The following CNTN4 variants were observed in gnomAD, a reference collection of about 807,000 sequenced individuals.
CNTN4 encodes contactin-4.
Under a neutral mutation model 122.5 loss-of-function variants are expected in CNTN4, and 77 were observed. The ratio of observed to expected loss-of-function variants is 0.63; its 90% confidence interval spans 0.52 to 0.76. CNTN4 has a LOEUF of 0.76. Among genes scored for constraint, CNTN4 ranks in the 30% least tolerant of loss-of-function variants. The pLI, the probability that CNTN4 is intolerant of heterozygous loss-of-function variation, is 0.00. For missense variants in CNTN4, 1,256 were observed against 1,259.1 expected, an observed-to-expected ratio of 1.00 and a Z score of 0.04; for synonymous variants, 512 against 447.0, an observed-to-expected ratio of 1.15 and a Z score of -1.83.
intron 5 of CNTN4, among the ~76,000 whole-genome samples, chr3:2,741,533 G>A (rs1251119375): frequency 1.3e-5 from 2 of 152,162 alleles, no homozygotes; most frequent in South Asian, 2.1e-4. Flanking sequence ...GACAGCAGGT[G>A]TAAACCAAGC....
intron 13 of CNTN4, among the ~76,000 whole-genome samples, chr3:2,944,565 T>C (rs1186362733): frequency 6.6e-6 from 1 of 152,188 alleles, no homozygotes; most frequent in Non-Finnish European, 1.5e-5. Flanking sequence ...TAGACTCTAT[T>C]AAACACCTAC....
intron 6 of CNTN4, among the ~76,000 whole-genome samples, chr3:2,782,428 G>C (rs74791791): frequency 0.013 from 1,901 of 150,406 alleles, 49 homozygotes; most frequent in African/African-American, 0.044. Flanking sequence ...ACTTGAAAAT[G>C]TAATACATAC....
intron 4 of CNTN4, among the ~76,000 whole-genome samples, chr3:2,668,251 G>A (rs571676423): frequency 1.3e-5 from 2 of 151,830 alleles, no homozygotes; most frequent in South Asian, 2.1e-4. Context: ...ATTTGTTTGT[G>A]TCCTCTTTTA....
At chr3:2,624,524 G>T (rs1452120235) in intron 4 of CNTN4, among the ~76,000 whole-genome samples, 1 of 151,266 alleles carries the variant, frequency 6.6e-6, no homozygotes, top group East Asian at 2.0e-4. Context: ...AAGCTTTTCA[G>T]ATTAATCAGT....
chr3:2,113,058 G>A (rs1053526958), intron 2 of CNTN4, among the ~76,000 whole-genome samples: 1 of 152,126 alleles, frequency 6.6e-6, no homozygotes, highest in Non-Finnish European at 1.5e-5. Context: ...TAGAAATTCA[G>A]CCAATTCTGC....
At chr3:2,269,060 C>T (rs2041165592) in intron 2 of CNTN4, among the ~76,000 whole-genome samples, 1 of 152,056 alleles carries the variant, frequency 6.6e-6, no homozygotes, top group Non-Finnish European at 1.5e-5. Flanking sequence ...GTTGCACTGC[C>T]TGTAAAAGAG....
intron 3 of CNTN4, among the ~76,000 whole-genome samples, chr3:2,377,829 G>A (rs9862409): frequency 0.09 from 13,711 of 151,680 alleles, 1,046 homozygotes; most frequent in African/African-American, 0.22. Flanking sequence ...TATGTGTGGC[G>A]CCAGACAATT....
At chr3:2,591,314 G>GA (rs2080460678) in intron 4 of CNTN4, among the ~76,000 whole-genome samples, 1 of 147,660 alleles carries the variant, frequency 6.8e-6, no homozygotes, top group Non-Finnish European at 1.5e-5. Flanking sequence ...AGATACTTTT[G>GA]ATGTAGTCTG....
At chr3:2,178,701 G>C (rs2036867866) in intron 2 of CNTN4, among the ~76,000 whole-genome samples, 1 of 152,046 alleles carries the variant, frequency 6.6e-6, no homozygotes, top group African/African-American at 2.4e-5. Flanking sequence ...TTGTGTGTGT[G>C]ATCTTAAGAC....
In CNTN4 at chr3:2,755,238, A is replaced by G. The variant is rs140166809; in HGVS notation, c.358+9541A>G. 2.4e-4 allele frequency among the ~76,000 whole-genome samples: 37 copies of G among 152,322 alleles called. No homozygotes were observed. The East Asian group carries it at 6.4e-3, about 26-fold the overall frequency. On this transcript the variant is annotated intron_variant, in intron 6 of 24. Coordinates refer to ENST00000418658, the MANE Select transcript of CNTN4 (RefSeq NM_175607.3). ...AGTTTGATACACGGCTAAACTCATAACTGGCCTGACTACTTTTTAATTTGG... is the reference window on the plus strand; with the variant it reads ...AGTTTGATACACGGCTAAACTCATAGCTGGCCTGACTACTTTTTAATTTGG...
chr3:2,229,495 A>G (rs899773877), intron 2 of CNTN4, among the ~76,000 whole-genome samples: 1 of 152,194 alleles, frequency 6.6e-6, no homozygotes, highest in African/African-American at 2.4e-5. Flanking sequence ...CTAATTATGC[A>G]GTGCTAAACA....
chr3:2,443,898 T>G (rs2616569), intron 3 of CNTN4, among the ~76,000 whole-genome samples: 1 of 151,940 alleles, frequency 6.6e-6, no homozygotes, highest in African/African-American at 2.4e-5. Flanking sequence ...TAGTTTATCT[T>G]GTTTTTGCTA....
chr3:2,980,851 G>A (rs1577486330), intron 13 of CNTN4, among the ~76,000 whole-genome samples: 1 of 152,158 alleles, frequency 6.6e-6, no homozygotes, highest in Non-Finnish European at 1.5e-5. Context: ...GACCAGGTGT[G>A]ACGTTTACAT....
intron 3 of CNTN4, among the ~76,000 whole-genome samples, chr3:2,461,323 TA>T (rs2049197790): frequency 6.6e-6 from 1 of 151,812 alleles, no homozygotes. Context: ...TTATGGAAGT[TA>T]TCATTAATTA....
intron 4 of CNTN4, among the ~76,000 whole-genome samples, chr3:2,680,869 A>C (rs1260216015): frequency 6.6e-6 from 1 of 152,184 alleles, no homozygotes. Context: ...TTGGTGGTAG[A>C]TTGACAAGTA....
intron 7 of CNTN4, among the ~76,000 whole-genome samples, chr3:2,822,381 A>T (rs1004165608): frequency 7.2e-5 from 11 of 152,296 alleles, no homozygotes; most frequent in African/African-American, 2.4e-4. Flanking sequence ...TCAACACATA[A>T]TTATAACTCG....
intron 2 of CNTN4, among the ~76,000 whole-genome samples, chr3:2,307,238 A>G (rs57141722): frequency 0.023 from 3,563 of 152,266 alleles, 134 homozygotes; most frequent in African/African-American, 0.082. Flanking sequence ...GATGAAGACC[A>G]TCCTGGCTAA....
intron 6 of CNTN4, among the ~76,000 whole-genome samples, chr3:2,753,349 T>C (rs2090183437): frequency 6.6e-6 from 1 of 152,220 alleles, no homozygotes; most frequent in Non-Finnish European, 1.5e-5. Flanking sequence ...CCTAGATCAT[T>C]GTTTAGCAAA....
chr3:2,940,729 G>A (rs2151499227), intron 13 of CNTN4, among the ~76,000 whole-genome samples: 1 of 86,024 alleles, frequency 1.2e-5, no homozygotes, highest in Middle Eastern at 8.9e-3. Context: ...TCTCAGAGAA[G>A]TTAAGGGTAA....
Sources: gnomAD v4.1 joint callset for allele counts (sites outside exome capture counted in the v4.1 genomes callset) on GRCh38, gnomAD v4.1.1 for gene constraint, MANE v1.5 for transcripts, NCBI Gene and HGNC (gene_info 2026-07-23, HGNC 2026-07-21) for gene names.